The following ERBB4 variants were observed in gnomAD, a reference collection of about 807,000 sequenced individuals.
ERBB4 encodes receptor tyrosine-protein kinase erbB-4.
Under a neutral mutation model 158.0 loss-of-function variants are expected in ERBB4, and 42 were observed. The observed-to-expected ratio is 0.27, with a 90% CI of 0.21 to 0.34. The LOEUF (loss-of-function observed/expected upper bound fraction) is 0.34, where lower values mean the gene tolerates loss of function less well. Among genes scored for constraint, ERBB4 ranks in the 10% least tolerant of loss-of-function variants. The pLI is 1.00. For missense variants in ERBB4, 1,333 were observed against 1,624.1 expected (o/e 0.82, Z 3.08); for synonymous variants, 583 against 558.7 (o/e 1.04, Z -0.61).
chr2:211,391,379 C>T (rs2062795269), intron 25 of ERBB4, among the ~76,000 whole-genome samples: 1 of 152,206 alleles, frequency 6.6e-6, no homozygotes, highest in Non-Finnish European at 1.5e-5. Flanking sequence ...CATTGTGCTA[C>T]TTTCTGCTGT....
intron 2 of ERBB4, among the ~76,000 whole-genome samples, chr2:212,086,067 C>T (rs903148301): frequency 1.3e-5 from 2 of 151,946 alleles, no homozygotes; most frequent in African/African-American, 4.8e-5. Flanking sequence ...TTGCTATCAA[C>T]TGGCTTCAGT....
intron 20 of ERBB4, among the ~76,000 whole-genome samples, chr2:211,488,208 G>A (rs770745325): frequency 2.0e-5 from 3 of 152,008 alleles, no homozygotes; most frequent in Non-Finnish European, 4.4e-5. Flanking sequence ...AATACTCAAC[G>A]GAATGGCTGG....
chr2:212,320,743 T>C (rs923201244), intron 1 of ERBB4, among the ~76,000 whole-genome samples: 1 of 150,042 alleles, frequency 6.7e-6, no homozygotes, highest in African/African-American at 2.4e-5. Flanking sequence ...GCCAGGTTTG[T>C]TGTTTTGTTT....
intron 3 of ERBB4, among the ~76,000 whole-genome samples, chr2:211,819,275 T>C (rs919494744): frequency 6.6e-6 from 1 of 151,934 alleles, no homozygotes; most frequent in African/African-American, 2.4e-5. Flanking sequence ...TATAAAAAAA[T>C]GAAATGACAT....
intron 1 of ERBB4, among the ~76,000 whole-genome samples, chr2:212,298,898 T>C (rs1208810328): frequency 6.6e-6 from 1 of 151,724 alleles, no homozygotes; most frequent in Non-Finnish European, 1.5e-5. Flanking sequence ...AATAGTTACA[T>C]GTCATTTTCT....
chr2:212,139,303 G>A (rs1044734768), intron 1 of ERBB4, among the ~76,000 whole-genome samples: 13 of 151,590 alleles, frequency 8.6e-5, no homozygotes, highest in Admixed American at 1.3e-4. Context: ...ACACACACAC[G>A]CACATGTGCA....
chr2:212,369,358 G>A (rs1396889962), intron 1 of ERBB4, among the ~76,000 whole-genome samples: 1 of 151,860 alleles, frequency 6.6e-6, no homozygotes, highest in Non-Finnish European at 1.5e-5. Flanking sequence ...ACCTGACCCT[G>A]GTACGCATTT....
chr2:211,486,905 A>G (rs960607643), intron 20 of ERBB4, among the ~76,000 whole-genome samples: 1 of 152,168 alleles, frequency 6.6e-6, no homozygotes, highest in Non-Finnish European at 1.5e-5. Flanking sequence ...GATTTGGTAC[A>G]GAGTGTCTTT....
At chr2:212,275,503 T>A (rs1187356402) in intron 1 of ERBB4, among the ~76,000 whole-genome samples, 5 of 152,066 alleles carry the variant, frequency 3.3e-5, no homozygotes, top group Non-Finnish European at 5.9e-5. Context: ...TGGTTTTGAT[T>A]TGCATTTCTC....
intron 3 of ERBB4, among the ~76,000 whole-genome samples, chr2:211,799,854 C>T (rs2076461483): frequency 6.6e-6 from 1 of 152,164 alleles, no homozygotes; most frequent in South Asian, 2.1e-4. Flanking sequence ...TGATTTTTCT[C>T]CATTTCCTGT....
chr2:212,276,985 G>C (rs1267452259), intron 1 of ERBB4, among the ~76,000 whole-genome samples: 1 of 151,750 alleles, frequency 6.6e-6, no homozygotes, highest in Non-Finnish European at 1.5e-5. Context: ...AGACAAGCCT[G>C]AGTGCTTGCC....
At chr2:211,549,967 A>G (rs1457879411) in intron 20 of ERBB4, among the ~76,000 whole-genome samples, 2 of 152,144 alleles carry the variant, frequency 1.3e-5, no homozygotes, top group African/African-American at 4.8e-5. Flanking sequence ...GTGGAACTTC[A>G]AGCCAATTCT....
At chr2:212,293,396 CT>C (rs1231135827) in intron 1 of ERBB4, among the ~76,000 whole-genome samples, 2 of 151,880 alleles carry the variant, frequency 1.3e-5, no homozygotes, top group African/African-American at 4.8e-5. Flanking sequence ...TTTAATATAG[CT>C]TTCAATAATA....
At chr2:212,353,745 G>A (rs2089353406) in intron 1 of ERBB4, among the ~76,000 whole-genome samples, 1 of 152,038 alleles carries the variant, frequency 6.6e-6, no homozygotes, top group South Asian at 2.1e-4. Context: ...TCAGGCTGTA[G>A]AGTTAAGTGG....
At chr2:212,136,123 G>A (rs748673940) in intron 1 of ERBB4, among the ~76,000 whole-genome samples, 21 of 152,152 alleles carry the variant, frequency 1.4e-4, no homozygotes, top group Admixed American at 7.2e-4. Flanking sequence ...TAATTAAAGC[G>A]GCAGTGTGTG....
intron 2 of ERBB4, among the ~76,000 whole-genome samples, chr2:212,081,424 T>C (rs7558615): frequency 0.85 from 128,833 of 152,092 alleles, 56,182 homozygotes; most frequent in East Asian, 1. Flanking sequence ...TGAAATTGCC[T>C]TTCCTGGATG....
intron 1 of ERBB4, among the ~76,000 whole-genome samples, chr2:212,149,078 G>C (rs1415737589): frequency 6.8e-6 from 1 of 147,606 alleles, no homozygotes; most frequent in Non-Finnish European, 1.5e-5. Context: ...TGACGAGTTA[G>C]TGGGTGCAGC....
intron 2 of ERBB4, among the ~76,000 whole-genome samples, chr2:212,056,544 C>G (rs2077576478): frequency 6.6e-6 from 1 of 152,148 alleles, no homozygotes; most frequent in African/African-American, 2.4e-5. Flanking sequence ...TCGGGTTACC[C>G]ATAAAGGGAA....
intron 2 of ERBB4, among the ~76,000 whole-genome samples, chr2:212,005,688 A>G (rs1229257941): frequency 1.3e-5 from 2 of 152,228 alleles, no homozygotes; most frequent in African/African-American, 4.8e-5. Flanking sequence ...GCAACACCTT[A>G]CAGATTTAAA....
Sources: allele counts gnomAD v4.1 joint callset (sites outside exome capture counted in the v4.1 genomes callset), GRCh38; gene constraint gnomAD v4.1.1; transcripts MANE v1.5; gene names NCBI Gene and HGNC (gene_info 2026-07-23, HGNC 2026-07-21).